Variants in PPP1R1A observed in about 807,000 individuals in gnomAD.
The protein encoded by PPP1R1A is protein phosphatase 1 regulatory inhibitor subunit 1A, also known as protein phosphatase 1 regulatory subunit 1A.
Under a neutral mutation model 23.9 loss-of-function variants are expected in PPP1R1A, and 18 were observed. The ratio of observed to expected loss-of-function variants is 0.75; its 90% CI spans 0.52 to 1.12. The LOEUF is 1.12. Among genes scored for constraint, PPP1R1A ranks in the 50% most tolerant of loss-of-function variants. The probability of loss-of-function intolerance (pLI) is 0.00; values close to 1 mark genes in which losing one functional copy is unlikely to be tolerated. For synonymous variants in PPP1R1A, 84 were observed against 80.7 expected, an observed-to-expected ratio of 1.04 and a Z score of -0.22; for missense variants, 207 against 223.8, an observed-to-expected ratio of 0.92 and a Z score of 0.48.
intron 1 of PPP1R1A, 145 bp downstream of exon 1, chr12:54,588,260 C>T: frequency 4.2e-6 from 1 of 235,318 alleles, no homozygotes; most frequent in South Asian, 1.4e-4. Flanking sequence ...CAGAAGACCC[C>T]CCCCCGCCCC....
intron 1 of PPP1R1A, 60 bp from the exon 2 acceptor site, chr12:54,584,380 C>G (rs1957888351): frequency 3.5e-6 from 5 of 1,424,766 alleles, no homozygotes. Context: ...CAAAGCCCCA[C>G]CCAAAACCAC....
At chr12:54,580,416 A>G in intron 6 of PPP1R1A, 24 bp from the exon 7 acceptor site, 2 of 1,605,694 alleles carry the variant, frequency 1.2e-6, no homozygotes, top group Non-Finnish European at 1.7e-6. Context: ...AAGGGGACAG[A>G]AAGAGAAGGT....
chr12:54,580,464 G>T, intron 6 of PPP1R1A, 72 bp from the exon 7 acceptor site: 1 of 1,455,596 alleles, frequency 6.9e-7, no homozygotes, highest in Non-Finnish European at 9.6e-7. Context: ...TCCCCTTCTG[G>T]CCATCCCATT....
chr12:54,587,245 C>G (rs1454488196), intron 1 of PPP1R1A, among the ~76,000 whole-genome samples: 2 of 152,164 alleles, frequency 1.3e-5, no homozygotes, highest in African/African-American at 4.8e-5. Context: ...ACAAAAATGA[C>G]AAAAAACACT....
chr12:54,585,561 G>A (rs1473236020), intron 1 of PPP1R1A, among the ~76,000 whole-genome samples: 3 of 152,150 alleles, frequency 2.0e-5, no homozygotes, highest in Non-Finnish European at 4.4e-5. Flanking sequence ...GCAGTGGGGA[G>A]GGAAGGCAAA....
chr12:54,579,983 G>C lies in PPP1R1A; in HGVS notation c.*404C>G, dbSNP rs1957839025. 1.0e-5 allele frequency: 10 copies of C among 1,003,410 alleles called. No homozygotes were observed. Among genetic ancestry groups the C allele is most frequent in the Non-Finnish European group, 1.2e-5 (10 of 840,606 alleles). 62.2% of individuals were successfully genotyped at this position (1,003,410 alleles called of 1,614,324 possible). On this transcript the variant is annotated 3_prime_UTR_variant, in exon 7 of 7. Transcript: ENST00000257905. ...TGCAGGGCAGGCCTGTGAGGTGGTCGGATCGTTCCTCAATAAGAAAAGAGA... is the reference window on the plus strand; with the variant it reads ...TGCAGGGCAGGCCTGTGAGGTGGTCCGATCGTTCCTCAATAAGAAAAGAGA...
At chr12:54,587,048 C>T (rs1190264565) in intron 1 of PPP1R1A, among the ~76,000 whole-genome samples, 1 of 152,218 alleles carries the variant, frequency 6.6e-6, no homozygotes, top group Non-Finnish European at 1.5e-5. Context: ...TGTGAGGCTT[C>T]ACCAAGAGCC....
chr12:54,587,410 C>T (rs1410803146), intron 1 of PPP1R1A, among the ~76,000 whole-genome samples: 1 of 152,166 alleles, frequency 6.6e-6, no homozygotes, highest in East Asian at 1.9e-4. Context: ...ACAGAGATTA[C>T]AAAGAGATGG....
intron 1 of PPP1R1A, among the ~76,000 whole-genome samples, 153 bp downstream of exon 1, chr12:54,588,252 G>C (rs1467089910): frequency 7.0e-6 from 1 of 142,400 alleles, no homozygotes; most frequent in Admixed American, 7.2e-5. Flanking sequence ...GGAGGGGACA[G>C]AAGACCCCCC....
intron 6 of PPP1R1A, 40 bp from the exon 7 acceptor site, chr12:54,580,432 G>C (rs1330362033): frequency 6.3e-7 from 1 of 1,579,720 alleles, no homozygotes; most frequent in South Asian, 1.1e-5. Context: ...AAGGTGAGAG[G>C]CCAGAGGGTC....
Position 54,584,284 on chromosome 12 carries a change from G to A in PPP1R1A, c.121C>T (p.Leu41=). The part of the protein sequence containing the change: ...RRRPTPATLV[L]TSDQSSPEID... ...CCTGGGGATGACTGGTCACTGGTCA[G>A]CACGAGGGTGGCAGGGGTGGGGCGG... is the stretch of plus-strand genomic sequence containing the variant. Residue 41 remains leucine (L), a synonymous_variant, in exon 2 of 7, where the codon CTG becomes TTG. Coordinates refer to ENST00000257905, the MANE Select transcript of PPP1R1A (RefSeq NM_006741.4). The A allele has an allele frequency of 6.2e-7, 1 of 1,604,866 alleles. No homozygotes were observed. Among genetic ancestry groups the A allele is most frequent in the Non-Finnish European group, 8.5e-7 (1 of 1,176,114 alleles).
rs1286862463 is a variant in PPP1R1A, at chr12:54,588,402, C to T, written c.84+3G>A. On this transcript the variant is annotated splice_donor_region_variant and intron_variant, in intron 1 of 6. Coordinates refer to ENST00000257905, the MANE Select transcript of PPP1R1A (RefSeq NM_006741.4). ...TGCCCTGCCGCCCCGCCCTGCTCCG[C>T]ACCTGCTCCGCCGCCTCGGGGTCAA... The T allele has an allele frequency of 6.7e-7, 1 of 1,494,080 alleles. No individual in the cohort carries two copies. 92.6% of individuals were successfully genotyped at this position (1,494,080 alleles called of 1,614,324 possible).
Position 54,580,243 on chromosome 12 carries a change from G to C in PPP1R1A, c.*144C>G. The C allele has an allele frequency of 6.8e-7, 1 of 1,462,854 alleles. No individual in the cohort carries two copies. Among genetic ancestry groups the C allele is most frequent in the Non-Finnish European group, 9.1e-7 (1 of 1,102,336 alleles). 90.6% of individuals were successfully genotyped at this position (1,462,854 alleles called of 1,614,324 possible). A position where few individuals can be genotyped will look rare whatever the true frequency, so the allele number is the denominator to read the frequency against. On this transcript the variant is annotated 3_prime_UTR_variant, in exon 7 of 7. Transcript: ENST00000257905. ...AGAAAGGATTCTCCCAGTTGGAAAA[G>C]AAGGAAAGTGCCAAGGACCTAACAC...
At position 54,588,562 on chromosome 12, in the gene PPP1R1A, C is replaced by A; in HGVS notation, c.-74G>T. The A allele has an allele frequency of 1.1e-6, 1 of 927,108 alleles. No individual in the cohort carries two copies. The highest frequency in any genetic ancestry group is 1.4e-6 in the Non-Finnish European group (1 of 705,612). 57.4% of individuals were successfully genotyped at this position (927,108 alleles called of 1,614,324 possible). A position where few individuals can be genotyped will look rare whatever the true frequency, so the allele number is the denominator to read the frequency against. ...GCGGGACTCGGGGCTGGGGCGGGCG[C>A]GCTCCCTCTCCGCTCCGCTCCGGCC... On this transcript the variant is annotated 5_prime_UTR_variant, in exon 1 of 7. Coordinates refer to ENST00000257905, the MANE Select transcript of PPP1R1A (RefSeq NM_006741.4).
At chr12:54,587,222 A>T (rs554738757) in intron 1 of PPP1R1A, among the ~76,000 whole-genome samples, 1 of 152,202 alleles carries the variant, frequency 6.6e-6, no homozygotes, top group Admixed American at 6.5e-5. Flanking sequence ...TATTCTACCA[A>T]ACAGCTGGAG....
chr12:54,581,987 C>T lies in PPP1R1A; in HGVS notation c.392G>A (p.Gly131Glu), dbSNP rs763570840. 1.9e-6 allele frequency: 3 copies of T among 1,611,828 alleles called. No individual in the cohort carries two copies. The highest frequency in any genetic ancestry group is 4.5e-5 in the East Asian group (2 of 44,754). The change falls in exon 5 of 7, where the codon GGG becomes GAG. Residue 131 changes from glycine (G) to glutamate (E), a missense_variant. Transcript: ENST00000257905. This position sits in a 1 kb window ranked among gnomAD's most constrained non-coding sequence, Gnocchi z 4.1. ...CAGCCTGAACATACTTTTTGCTGTC[C>T]CAGAGGTGCCCAGCCTTGACTCCAC... The part of the protein sequence containing the change: ...TEVESRLGTS[G>E]TAKKTAECIP...
chr12:54,579,437 T>C lies in PPP1R1A; in HGVS notation c.*950A>G, dbSNP rs1158729283. The C allele has an allele frequency of 2.0e-6, 2 of 985,300 alleles. No individual in the cohort carries two copies. Among genetic ancestry groups the C allele is most frequent in the African/African-American group, 1.7e-5 (1 of 57,208 alleles). 61.0% of individuals were successfully genotyped at this position (985,300 alleles called of 1,614,324 possible). A position where few individuals can be genotyped will look rare whatever the true frequency, so the allele number is the denominator to read the frequency against. On this transcript the variant is annotated 3_prime_UTR_variant, in exon 7 of 7. Coordinates refer to ENST00000257905, the MANE Select transcript of PPP1R1A (RefSeq NM_006741.4). ...GTAGCTGCATGGCAGAAGTGGGACCTGACGCTTCTCAGGCTCTGCTCTTGC... is the reference window on the plus strand; with the variant it reads ...GTAGCTGCATGGCAGAAGTGGGACCCGACGCTTCTCAGGCTCTGCTCTTGC...
In PPP1R1A at chr12:54,579,630, C is replaced by G. The variant is rs1957833574; in HGVS notation, c.*757G>C. On this transcript the variant is annotated 3_prime_UTR_variant, in exon 7 of 7. Coordinates refer to ENST00000257905, the MANE Select transcript of PPP1R1A (RefSeq NM_006741.4). ...TGGTTTTGGTCTTATCTGGGCCCCT[C>G]AATGTCTAGGACAAGGGAACCCTTC... 1 of 985,344 alleles carries G rather than the reference C, an allele frequency of 1.0e-6. No homozygotes were observed. The allele number at this position is 985,344 out of a possible 1,614,324, so 61.0% of individuals were successfully genotyped here.
In PPP1R1A at chr12:54,580,995, T is replaced by C. The variant is rs1314888532; in HGVS notation, c.459A>G (p.Thr153=). The change falls in exon 6 of 7, where the codon ACA becomes ACG. Residue 153 remains threonine, a synonymous_variant. Transcript: ENST00000257905. The part of the protein sequence containing the change: ...THERGSKEPS[T]KEPSTHIPPL... ...GTGGTATATGGGTTGAGGGTTCTTT[T>C]GTGCTGGGTTCCTTACTGCCTCTCT... 1 of 1,614,004 alleles carries C rather than the reference T, an allele frequency of 6.2e-7. No individual in the cohort carries two copies. Among genetic ancestry groups the C allele is most frequent in the Non-Finnish European group, 8.5e-7 (1 of 1,179,864 alleles).
Sources: allele counts gnomAD v4.1 joint callset (sites outside exome capture counted in the v4.1 genomes callset), GRCh38; gene constraint gnomAD v4.1.1; non-coding constraint Gnocchi (gnomAD v3.1); transcripts MANE v1.5; gene names NCBI Gene and HGNC (gene_info 2026-07-23, HGNC 2026-07-21).